Variants in MACROD2 observed in about 807,000 individuals in gnomAD.
The protein encoded by MACROD2 is ADP-ribose glycohydrolase MACROD2.
MACROD2 carries 36 observed loss-of-function variants against 70.4 expected under a neutral mutation model. The observed-to-expected ratio is 0.51, with a 90% CI of 0.39 to 0.68. MACROD2 has a LOEUF of 0.68. Ranked by LOEUF, MACROD2 falls within the 30% of genes least tolerant of loss-of-function variation. The pLI is 0.00. For synonymous variants in MACROD2, 172 were observed against 178.8 expected, an observed-to-expected ratio of 0.96 and a Z score of 0.30; for missense variants, 496 against 538.4, an observed-to-expected ratio of 0.92 and a Z score of 0.78.
chr20:15,108,648 A>G (rs938940449), intron 5 of MACROD2, among the ~76,000 whole-genome samples: 1 of 152,186 alleles, frequency 6.6e-6, no homozygotes, highest in Non-Finnish European at 1.5e-5. Flanking sequence ...CTTATTGAAT[A>G]TCTTTTTGTT....
At chr20:15,282,203 T>G (rs945784151) in intron 6 of MACROD2, among the ~76,000 whole-genome samples, 2 of 152,238 alleles carry the variant, frequency 1.3e-5, no homozygotes, top group Non-Finnish European at 2.9e-5. Context: ...TGGGAGGGGC[T>G]GCTGTGACAA....
intron 8 of MACROD2, among the ~76,000 whole-genome samples, chr20:15,719,956 C>G (rs1482007562): frequency 1.3e-5 from 2 of 152,068 alleles, no homozygotes; most frequent in Non-Finnish European, 2.9e-5. Flanking sequence ...CTCCCAATGT[C>G]CCCTACCCTC....
At chr20:15,574,907 GTTAT>G (rs1278362667) in intron 8 of MACROD2, among the ~76,000 whole-genome samples, 1 of 152,132 alleles carries the variant, frequency 6.6e-6, no homozygotes, top group Admixed American at 6.6e-5. Context: ...AGACTCAGCT[GTTAT>G]TTATTTTATT....
At chr20:15,948,615 T>C (rs1428695946) in intron 12 of MACROD2, among the ~76,000 whole-genome samples, 2 of 152,090 alleles carry the variant, frequency 1.3e-5, no homozygotes, top group Non-Finnish European at 2.9e-5. Flanking sequence ...TTCCTATTTG[T>C]TCACTTTCAG....
At chr20:15,795,340 C>G (rs2063663243) in intron 8 of MACROD2, among the ~76,000 whole-genome samples, 1 of 151,950 alleles carries the variant, frequency 6.6e-6, no homozygotes. Flanking sequence ...GGTGTGGGAT[C>G]AGCAATGAGG....
chr20:14,046,296 A>G (rs1264040272), intron 2 of MACROD2, among the ~76,000 whole-genome samples: 1 of 152,226 alleles, frequency 6.6e-6, no homozygotes, highest in Non-Finnish European at 1.5e-5. Context: ...TCAAATGCTA[A>G]GAAAAACAAA....
chr20:15,022,989 T>A (rs1027755470), intron 5 of MACROD2: 1 of 151,812 alleles, frequency 6.6e-6, no homozygotes, highest in African/African-American at 2.4e-5. Flanking sequence ...ATGTATATAT[T>A]CTCTGTAGTT....
chr20:15,193,544 A>G (rs753833351), intron 5 of MACROD2, among the ~76,000 whole-genome samples: 9 of 152,124 alleles, frequency 5.9e-5, no homozygotes, highest in Non-Finnish European at 1.3e-4. Flanking sequence ...GCTACTTGAG[A>G]GGCTGAGGTC....
intron 3 of MACROD2, among the ~76,000 whole-genome samples, chr20:14,154,389 CTTT>C (rs1183052263): frequency 2.2e-5 from 3 of 136,412 alleles, no homozygotes; most frequent in Admixed American, 7.4e-5. Context: ...CTTTTCTTTT[CTTT>C]TTTTTTTTTT....
intron 5 of MACROD2, among the ~76,000 whole-genome samples, chr20:14,875,530 G>A (rs1159017228): frequency 6.6e-6 from 1 of 152,032 alleles, no homozygotes; most frequent in East Asian, 1.9e-4. Flanking sequence ...TGGGGGGTTC[G>A]TTACATGGGC....
At chr20:14,679,282 A>G (rs1164455283) in intron 4 of MACROD2, among the ~76,000 whole-genome samples, 1 of 152,230 alleles carries the variant, frequency 6.6e-6, no homozygotes, top group Non-Finnish European at 1.5e-5. Context: ...AGAAATTGAA[A>G]AATGGGAAAG....
intron 4 of MACROD2, among the ~76,000 whole-genome samples, chr20:14,641,609 T>C (rs138547303): frequency 6.6e-6 from 1 of 152,222 alleles, no homozygotes; most frequent in African/African-American, 2.4e-5. Flanking sequence ...ATGGATGTTA[T>C]GTTAGCATGC....
chr20:14,021,241 C>T lies in MACROD2; in HGVS notation c.163+18837C>T, dbSNP rs557706389. Among the ~76,000 whole-genome samples the T allele has an allele frequency of 5.3e-3, 801 of 152,234 alleles. 6 individuals carry two copies. Among genetic ancestry groups the T allele is most frequent in the African/African-American group, 0.018 (741 of 41,538 alleles). ...CTTGACCTCGTGATCCGCCTACCTT[C>T]GCCTCCCAAAGTGCTGGGATTACAG... On this transcript the variant is annotated intron_variant, in intron 2 of 17. Transcript: ENST00000684519.
At chr20:14,037,594 C>G (rs2053329947) in intron 2 of MACROD2, among the ~76,000 whole-genome samples, 1 of 152,162 alleles carries the variant, frequency 6.6e-6, no homozygotes, top group South Asian at 2.1e-4. Context: ...TTGAATTTAA[C>G]TCAGTGATGT....
intron 8 of MACROD2, among the ~76,000 whole-genome samples, chr20:15,659,724 G>T (rs559903139): frequency 6.6e-6 from 1 of 152,140 alleles, no homozygotes; most frequent in Admixed American, 6.5e-5. Context: ...AAAGAGGTTT[G>T]TATGGCTCAC....
At chr20:14,478,039 C>T (rs565664380) in intron 3 of MACROD2, among the ~76,000 whole-genome samples, 39 of 152,076 alleles carry the variant, frequency 2.6e-4, no homozygotes, top group African/African-American at 6.0e-4. Context: ...AAGCAGACTC[C>T]GAGATAAAGG....
At chr20:15,812,567 A>T (rs370581075) in intron 8 of MACROD2, among the ~76,000 whole-genome samples, 18 of 97,208 alleles carry the variant, frequency 1.9e-4, no homozygotes, top group African/African-American at 4.5e-4. Context: ...TATTGGATTT[A>T]AAAAAAAAAA....
intron 3 of MACROD2, among the ~76,000 whole-genome samples, chr20:14,321,215 A>C (rs1374227585): frequency 6.6e-6 from 1 of 151,954 alleles, no homozygotes; most frequent in Non-Finnish European, 1.5e-5. Flanking sequence ...AAATACAAAA[A>C]TTAGCTGGGT....
Position 14,524,806 on chromosome 20 carries a change from G to T in MACROD2, c.301+31298G>T, listed in dbSNP as rs568836573. Among the ~76,000 whole-genome samples the T allele has an allele frequency of 2.6e-5, 4 of 152,240 alleles. No homozygotes were observed. In the East Asian group the frequency reaches 7.7e-4, roughly 29 times the overall value. ...CGCTAGCTTCCCCAGCCTCCTTCCT[G>T]GTCTTGAGCAGCATTCATGCGGAGT... On this transcript the variant is annotated intron_variant, in intron 4 of 17. Coordinates refer to ENST00000684519, the MANE Select transcript of MACROD2 (RefSeq NM_001351661.2).
Sources: allele counts gnomAD v4.1 joint callset (sites outside exome capture counted in the v4.1 genomes callset), GRCh38; gene constraint gnomAD v4.1.1; transcripts MANE v1.5; gene names NCBI Gene and HGNC (gene_info 2026-07-23, HGNC 2026-07-21).